The following PRIM2 variants were observed in gnomAD, a reference collection of about 807,000 sequenced individuals.
PRIM2 encodes the protein DNA primase subunit 2.
A neutral mutation model predicts 67.3 loss-of-function variants in PRIM2; 39 were observed. That is an observed-to-expected ratio of 0.58 (90% CI 0.45 to 0.76). The LOEUF (loss-of-function observed/expected upper bound fraction) is 0.76, where lower values mean the gene tolerates loss of function less well. Among genes scored for constraint, PRIM2 ranks in the 30% least tolerant of loss-of-function variants. PRIM2 has a pLI of 0.00. For missense variants in PRIM2, 398 were observed against 598.7 expected, an observed-to-expected ratio of 0.66 and a Z score of 3.50; for synonymous variants, 143 against 198.7, an observed-to-expected ratio of 0.72 and a Z score of 2.36.
chr6:57,555,481 T>G (rs1169449779), intron 10 of PRIM2, among the ~76,000 whole-genome samples: 1 of 152,194 alleles, frequency 6.6e-6, no homozygotes. Flanking sequence ...AGTTTTACTA[T>G]GTTGGCCAGG....
At chr6:57,422,140 A>G (rs1040618717) in intron 7 of PRIM2, among the ~76,000 whole-genome samples, 22 of 117,794 alleles carry the variant, frequency 1.9e-4, no homozygotes, top group African/African-American at 6.5e-4. Flanking sequence ...ATTAAATTCA[A>G]AAGTATTTCT....
intron 3 of PRIM2, among the ~76,000 whole-genome samples, chr6:57,321,703 A>G (rs533272079): frequency 3.9e-4 from 60 of 152,322 alleles, no homozygotes; most frequent in African/African-American, 1.3e-3. Flanking sequence ...ATTTATATTA[A>G]TAGTATGTTT....
intron 10 of PRIM2, among the ~76,000 whole-genome samples, chr6:57,579,032 C>T (rs1225586724): frequency 6.6e-6 from 1 of 152,134 alleles, no homozygotes; most frequent in African/African-American, 2.4e-5. Context: ...GCTTCAGACT[C>T]ATCTTGTATT....
chr6:57,344,900 A>T lies in PRIM2; in HGVS notation c.459+18855A>T, dbSNP rs1183028997. 2.0e-5 allele frequency among the ~76,000 whole-genome samples: 3 copies of T among 152,130 alleles called. No homozygotes were observed. The East Asian group carries it at 5.8e-4, about 29-fold the overall frequency. On this transcript the variant is annotated intron_variant, in intron 5 of 13. Coordinates refer to ENST00000615550, the MANE Select transcript of PRIM2 (RefSeq NM_000947.5). ...TAGAGATGCTATGGCTAAATGTGAA[A>T]CTTCAAGCTGAATTACCCTTAAAGG...
the PRIM2 span, among the ~76,000 whole-genome samples, chr6:57,239,612 C>G: frequency 5.9e-5 from 9 of 152,216 alleles, no homozygotes; most frequent in Non-Finnish European, 1.3e-4. Context: ...TGTGGTGGCG[C>G]ATGCCTGTAT....
chr6:57,635,336 C>A (rs1269868859), intron 13 of PRIM2, among the ~76,000 whole-genome samples: 1 of 152,182 alleles, frequency 6.6e-6, no homozygotes, highest in Admixed American at 6.5e-5. Flanking sequence ...GCAGAATGTG[C>A]TGATTCCAAG....
chr6:57,568,156 G>A (rs1188824028), intron 10 of PRIM2, among the ~76,000 whole-genome samples: 33 of 151,996 alleles, frequency 2.2e-4, no homozygotes, highest in Admixed American at 2.2e-3. Flanking sequence ...TTAAAAATTT[G>A]CCCAGTATTT....
rs1173090655 is a variant in PRIM2 at position 57,483,998 on chromosome 6, C to T, written c.694-23389C>T. On this transcript the variant is annotated intron_variant, in intron 7 of 13. Coordinates refer to ENST00000615550, the MANE Select transcript of PRIM2 (RefSeq NM_000947.5). ...CCTGAGTTTGGTCCTAAAATGATTA[C>T]GATATTAAATAGTTCTCATGCCGTT... is the stretch of plus-strand genomic sequence containing the variant. Among the ~76,000 whole-genome samples the T allele has an allele frequency of 7.2e-5, 11 of 152,102 alleles. No individual in the cohort carries two copies. The East Asian group carries it at 7.7e-4, about 11-fold the overall frequency.
intron 7 of PRIM2, among the ~76,000 whole-genome samples, chr6:57,389,395 A>G (rs1279195656): frequency 2.6e-5 from 4 of 152,200 alleles, no homozygotes; most frequent in Non-Finnish European, 4.4e-5. Flanking sequence ...AATTACAGGC[A>G]TGAGTCACCA....
chr6:57,384,274 C>T, intron 7 of PRIM2, among the ~76,000 whole-genome samples: 1 of 152,100 alleles, frequency 6.6e-6, no homozygotes, highest in Non-Finnish European at 1.5e-5. Context: ...AGATCTATTC[C>T]ACATCTGTCT....
chr6:57,458,110 G>A (rs1273225375), intron 7 of PRIM2, among the ~76,000 whole-genome samples: 6 of 152,160 alleles, frequency 3.9e-5, no homozygotes, highest in African/African-American at 1.4e-4. Flanking sequence ...GCTAACTTAT[G>A]TTGAAATAAT....
intron 12 of PRIM2, among the ~76,000 whole-genome samples, chr6:57,619,802 T>C (rs2127496635): frequency 1.3e-5 from 2 of 152,340 alleles, no homozygotes; most frequent in African/African-American, 4.8e-5. Flanking sequence ...GTAATCGGTA[T>C]TCCTGAGGAA....
At chr6:57,561,928 C>T (rs1581991377) in intron 10 of PRIM2, among the ~76,000 whole-genome samples, 3 of 152,208 alleles carry the variant, frequency 2.0e-5, no homozygotes, top group Admixed American at 1.3e-4. Context: ...GAGAGATGTG[C>T]GAGTCTTTTT....
intron 8 of PRIM2, among the ~76,000 whole-genome samples, chr6:57,512,617 A>T (rs1415894500): frequency 6.6e-6 from 1 of 151,914 alleles, no homozygotes; most frequent in Admixed American, 6.6e-5. Flanking sequence ...TTTTTGAGAC[A>T]AAGTCTCACT....
chr6:57,275,989 G>T, the PRIM2 span, among the ~76,000 whole-genome samples: 73 of 152,296 alleles, frequency 4.8e-4, no homozygotes, highest in African/African-American at 1.7e-3. Context: ...GGAAGGAACT[G>T]GAGCTCCATG....
intron 7 of PRIM2, among the ~76,000 whole-genome samples, chr6:57,496,150 C>G (rs1271998769): frequency 5.9e-5 from 9 of 152,148 alleles, no homozygotes; most frequent in Non-Finnish European, 1.2e-4. Flanking sequence ...ATATACATGT[C>G]TTTTCTGTGT....
At chr6:57,588,763 A>G (rs1418393005) in intron 10 of PRIM2, among the ~76,000 whole-genome samples, 1 of 151,892 alleles carries the variant, frequency 6.6e-6, no homozygotes, top group Non-Finnish European at 1.5e-5. Flanking sequence ...TGGAGCCTAG[A>G]CGTGTATACA....
intron 12 of PRIM2, among the ~76,000 whole-genome samples, chr6:57,620,057 G>A (rs1401406009): frequency 5.9e-5 from 9 of 152,188 alleles, no homozygotes; most frequent in Non-Finnish European, 1.0e-4. Context: ...TTAGCTGGGC[G>A]TGGTGACACA....
the PRIM2 span, among the ~76,000 whole-genome samples, chr6:57,224,086 G>A: frequency 1.3e-5 from 2 of 152,156 alleles, no homozygotes; most frequent in Admixed American, 1.3e-4. Flanking sequence ...TCCATCAATG[G>A]ATGAATGGAT....
Sources: gnomAD v4.1 joint callset for allele counts (sites outside exome capture counted in the v4.1 genomes callset) on GRCh38, gnomAD v4.1.1 for gene constraint, MANE v1.5 for transcripts, NCBI Gene and HGNC (gene_info 2026-07-23, HGNC 2026-07-21) for gene names.